CDH19: variants seen among roughly 807,000 people sequenced by gnomAD.
CDH19 encodes cadherin 19.
CDH19 carries 67 observed loss-of-function variants against 64.2 expected under a neutral mutation model. That is an observed-to-expected ratio of 1.04 (90% CI 0.86 to 1.28). The LOEUF (loss-of-function observed/expected upper bound fraction) is 1.28. Ranked by LOEUF, CDH19 falls within the 50% of genes most tolerant of loss-of-function variation. The probability of loss-of-function intolerance (pLI) is 0.00; values close to 1 mark genes in which losing one functional copy is unlikely to be tolerated. For synonymous variants in CDH19, 346 were observed against 319.3 expected, an observed-to-expected ratio of 1.08 and a Z score of -0.89; for missense variants, 1,030 against 929.0, an observed-to-expected ratio of 1.11 and a Z score of -1.41.
At chr18:66,551,593 T>G (rs1987346585) in intron 4 of CDH19, among the ~76,000 whole-genome samples, 1 of 151,972 alleles carries the variant, frequency 6.6e-6, no homozygotes, top group African/African-American at 2.4e-5. Context: ...TACAGTTAAC[T>G]TTGTCCCCGA....
At chr18:66,570,872 T>G (rs1012340015) in intron 2 of CDH19, among the ~76,000 whole-genome samples, 3 of 151,550 alleles carry the variant, frequency 2.0e-5, no homozygotes, top group African/African-American at 2.4e-5. Flanking sequence ...TAACACCTTA[T>G]TTACTAAAAG....
chr18:66,512,705 T>C (rs911323729), intron 9 of CDH19, among the ~76,000 whole-genome samples: 1 of 151,558 alleles, frequency 6.6e-6, no homozygotes, highest in African/African-American at 2.4e-5. Context: ...ACACATTTTA[T>C]TCAATCCATG....
chr18:66,595,179 G>A (rs1390262807), intron 1 of CDH19, among the ~76,000 whole-genome samples: 1 of 151,708 alleles, frequency 6.6e-6, no homozygotes, highest in Non-Finnish European at 1.5e-5. Flanking sequence ...CAGAATCTCT[G>A]GAACACTGCT....
At chr18:66,522,643 A>C (rs1465104575) in intron 9 of CDH19, among the ~76,000 whole-genome samples, 1 of 149,496 alleles carries the variant, frequency 6.7e-6, no homozygotes, top group African/African-American at 2.5e-5. Flanking sequence ...TTTTAAATAT[A>C]ATATGTTTTA....
chr18:66,511,584 T>C lies in CDH19; in HGVS notation c.1560A>G (p.Thr520=), dbSNP rs556905021. 2 of 1,400,298 alleles carry C rather than the reference T, an allele frequency of 1.4e-6. No homozygotes were observed. Among genetic ancestry groups the C allele is most frequent in the Middle Eastern group, 1.8e-4 (1 of 5,424 alleles). 86.7% of individuals were successfully genotyped at this position (1,400,298 alleles called of 1,614,324 possible). A position where few individuals can be genotyped will look rare whatever the true frequency, so the allele number is the denominator to read the frequency against. ...TGACATTACCTTGATTATCTATGATTGTAAAACTTGAATTGTTAGTGTCTT... is the reference window on the plus strand; with the variant it reads ...TGACATTACCTTGATTATCTATGATCGTAAAACTTGAATTGTTAGTGTCTT... ...SVEDTNNSSF[T]IIDNQDNTAV... Residue 520 remains threonine (T), a synonymous_variant, in exon 10 of 12, where the codon ACA becomes ACG. Transcript: ENST00000262150.
chr18:66,581,576 C>G, intron 1 of CDH19, among the ~76,000 whole-genome samples: 1 of 152,080 alleles, frequency 6.6e-6, no homozygotes, highest in Non-Finnish European at 1.5e-5. Flanking sequence ...AACTGGCTTG[C>G]TGAGTCTTCT....
At chr18:66,591,123 G>A (rs1988731308) in intron 1 of CDH19, among the ~76,000 whole-genome samples, 1 of 151,900 alleles carries the variant, frequency 6.6e-6, no homozygotes, top group Non-Finnish European at 1.5e-5. Flanking sequence ...CTCAGATTGA[G>A]TATCTTCAGC....
At chr18:66,508,635 G>A (rs1348279744) in intron 11 of CDH19, among the ~76,000 whole-genome samples, 3 of 151,818 alleles carry the variant, frequency 2.0e-5, no homozygotes, top group Non-Finnish European at 4.4e-5. Context: ...ACTGAAGATT[G>A]TCTCCTGGAG....
At chr18:66,579,436 T>C (rs942040218) in intron 1 of CDH19, among the ~76,000 whole-genome samples, 2 of 152,068 alleles carry the variant, frequency 1.3e-5, no homozygotes, top group East Asian at 3.9e-4. Flanking sequence ...CTACCCACAG[T>C]GTAATCTGTG....
chr18:66,508,823 T>C (rs950352170), intron 11 of CDH19, among the ~76,000 whole-genome samples, 172 bp downstream of exon 11: 14 of 151,930 alleles, frequency 9.2e-5, no homozygotes, highest in Admixed American at 8.6e-4. Flanking sequence ...AGAATTATAC[T>C]ACATTCAGAG....
chr18:66,508,014 A>C (rs2144334691), intron 11 of CDH19, among the ~76,000 whole-genome samples: 1 of 152,054 alleles, frequency 6.6e-6, no homozygotes, highest in Non-Finnish European at 1.5e-5. Flanking sequence ...TCAGTGAATT[A>C]ATGGATAAGG....
At chr18:66,589,261 TATA>T (rs1568212166) in intron 1 of CDH19, among the ~76,000 whole-genome samples, 34 of 149,664 alleles carry the variant, frequency 2.3e-4, no homozygotes, top group Admixed American at 3.4e-4. Flanking sequence ...CATATATATA[TATA>T]CACACATATA....
chr18:66,575,852 A>G (rs1325885530), intron 1 of CDH19, among the ~76,000 whole-genome samples: 2 of 151,868 alleles, frequency 1.3e-5, no homozygotes, highest in East Asian at 1.9e-4. Context: ...TGGCTGTTAA[A>G]GCAAAAATAA....
intron 7 of CDH19, among the ~76,000 whole-genome samples, chr18:66,543,516 G>A (rs1986975245): frequency 1.3e-5 from 2 of 152,156 alleles, no homozygotes; most frequent in South Asian, 4.1e-4. Context: ...CGACACTGAG[G>A]TTCCCTATTT....
intron 1 of CDH19, among the ~76,000 whole-genome samples, chr18:66,593,055 C>T (rs1988787927): frequency 6.6e-6 from 1 of 151,760 alleles, no homozygotes; most frequent in South Asian, 2.1e-4. Flanking sequence ...TCCACATTCA[C>T]AACAGTATTT....
chr18:66,506,017 G>A (rs533082969), intron 11 of CDH19, among the ~76,000 whole-genome samples: 1 of 152,060 alleles, frequency 6.6e-6, no homozygotes, highest in African/African-American at 2.4e-5. Flanking sequence ...GTCATTTACA[G>A]CAACATAGAT....
chr18:66,584,223 C>A (rs895193422), intron 1 of CDH19, among the ~76,000 whole-genome samples: 2 of 151,918 alleles, frequency 1.3e-5, no homozygotes, highest in African/African-American at 4.8e-5. Flanking sequence ...AAGACATACA[C>A]TTGGCCAACA....
At chr18:66,561,597 TG>T (rs1000273512) in intron 3 of CDH19, among the ~76,000 whole-genome samples, 46 of 152,194 alleles carry the variant, frequency 3.0e-4, no homozygotes, top group African/African-American at 1.1e-3. Context: ...AAATGCTTTT[TG>T]GGGGACCGAA....
At chr18:66,521,502 C>CTTTATTTATTTATTTATTTATTTA in intron 9 of CDH19, among the ~76,000 whole-genome samples, 1 of 143,772 alleles carries the variant, frequency 7.0e-6, no homozygotes, top group African/African-American at 2.6e-5. Context: ...TATCTCTGGC[C>CTTTATTTATTTATTTATTTATTTA]TTTATTTATT....
Sources: gnomAD v4.1 joint callset for allele counts (sites outside exome capture counted in the v4.1 genomes callset) on GRCh38, gnomAD v4.1.1 for gene constraint, MANE v1.5 for transcripts, NCBI Gene and HGNC (gene_info 2026-07-23, HGNC 2026-07-21) for gene names.